EXOC4: variants seen among roughly 807,000 people sequenced by gnomAD.
EXOC4 encodes exocyst complex component 4.
EXOC4 carries 71 observed loss-of-function variants against 107.2 expected under a neutral mutation model. The observed-to-expected ratio is 0.66, with a 90% CI of 0.55 to 0.81. The LOEUF is 0.81. EXOC4 is among the 30% of genes least tolerant of loss of function. EXOC4 has a pLI of 0.00. For synonymous variants in EXOC4, 456 were observed against 441.2 expected (o/e 1.03, Z -0.42); for missense variants, 1,108 against 1,189.6 (o/e 0.93, Z 1.01).
intron 17 of EXOC4, among the ~76,000 whole-genome samples, chr7:134,012,371 T>C (rs1027951835): frequency 9.2e-5 from 14 of 152,088 alleles, no homozygotes; most frequent in Non-Finnish European, 1.3e-4. Context: ...GGATGAGATA[T>C]GGTCAGATGA....
intron 9 of EXOC4, among the ~76,000 whole-genome samples, chr7:133,556,843 G>C (rs557344346): frequency 9.0e-4 from 137 of 152,266 alleles, no homozygotes; most frequent in African/African-American, 3.0e-3. Flanking sequence ...TTAGATGTAG[G>C]TATGAAAAGA....
At chr7:133,381,078 G>A (rs999256504) in intron 7 of EXOC4, among the ~76,000 whole-genome samples, 18 of 152,052 alleles carry the variant, frequency 1.2e-4, no homozygotes, top group Non-Finnish European at 8.8e-5. Context: ...TCTTAACTAT[G>A]TATTCTACTC....
chr7:133,650,320 A>G (rs887856891), intron 10 of EXOC4, among the ~76,000 whole-genome samples: 11 of 151,934 alleles, frequency 7.2e-5, no homozygotes, highest in African/African-American at 2.4e-4. Flanking sequence ...AGGAAAAAGG[A>G]AAAAAGGCTT....
intron 17 of EXOC4, among the ~76,000 whole-genome samples, chr7:134,045,908 A>G (rs1182429177): frequency 2.0e-5 from 3 of 152,224 alleles, no homozygotes; most frequent in Non-Finnish European, 2.9e-5. Context: ...TTCAATTAGC[A>G]TAATATTTTC....
intron 10 of EXOC4, among the ~76,000 whole-genome samples, chr7:133,720,747 G>T (rs1795090335): frequency 6.6e-6 from 1 of 152,132 alleles, no homozygotes; most frequent in Non-Finnish European, 1.5e-5. Context: ...TTCCATGGTA[G>T]ATAAAGAGAA....
intron 7 of EXOC4, among the ~76,000 whole-genome samples, chr7:133,378,522 A>C (rs1337378806): frequency 9.9e-5 from 15 of 152,076 alleles, no homozygotes; most frequent in Non-Finnish European, 1.5e-5. Flanking sequence ...TGGGTTTTAT[A>C]ATATATTTTG....
At chr7:133,916,130 C>T (rs1799802096) in intron 12 of EXOC4, among the ~76,000 whole-genome samples, 1 of 152,206 alleles carries the variant, frequency 6.6e-6, no homozygotes, top group South Asian at 2.1e-4. Context: ...ACTGTTCCAC[C>T]TCAGATCATA....
At chr7:133,794,754 G>T (rs1796777101) in intron 10 of EXOC4, among the ~76,000 whole-genome samples, 1 of 151,830 alleles carries the variant, frequency 6.6e-6, no homozygotes, top group African/African-American at 2.4e-5. Context: ...GCCCTATTGA[G>T]TGAGCATCTC....
chr7:133,379,301 G>A (rs994372091), intron 7 of EXOC4, among the ~76,000 whole-genome samples: 4 of 151,944 alleles, frequency 2.6e-5, no homozygotes, highest in African/African-American at 9.7e-5. Flanking sequence ...TCATTTAGTT[G>A]TCTTTAAACT....
intron 11 of EXOC4, among the ~76,000 whole-genome samples, chr7:133,818,226 A>T (rs770043026): frequency 6.6e-6 from 1 of 152,220 alleles, no homozygotes; most frequent in Non-Finnish European, 1.5e-5. Context: ...AGTTTAAATT[A>T]TAGGTATACA....
At chr7:133,884,334 C>G (rs181920993) in intron 11 of EXOC4, among the ~76,000 whole-genome samples, 1 of 152,304 alleles carries the variant, frequency 6.6e-6, no homozygotes, top group African/African-American at 2.4e-5. Flanking sequence ...TTACCACCCT[C>G]GCACCAACGA....
intron 10 of EXOC4, among the ~76,000 whole-genome samples, chr7:133,801,916 A>T (rs1408561251): frequency 6.6e-6 from 1 of 152,324 alleles, no homozygotes; most frequent in Admixed American, 6.5e-5. Flanking sequence ...ACAAGGTTGG[A>T]CTTTGCTAGT....
intron 1 of EXOC4, among the ~76,000 whole-genome samples, chr7:133,270,740 A>G (rs1793848698): frequency 6.6e-6 from 1 of 152,154 alleles, no homozygotes. Flanking sequence ...AGAGGCTTAG[A>G]AGGCTGAAGA....
chr7:133,590,906 C>T (rs965548616), intron 9 of EXOC4, among the ~76,000 whole-genome samples: 2 of 152,176 alleles, frequency 1.3e-5, no homozygotes, highest in African/African-American at 4.8e-5. Context: ...TAAGAGGGCA[C>T]AGTATAACAT....
intron 7 of EXOC4, among the ~76,000 whole-genome samples, chr7:133,379,413 G>T (rs1796564076): frequency 1.3e-5 from 2 of 151,796 alleles, no homozygotes; most frequent in African/African-American, 4.8e-5. Flanking sequence ...GGGTTTAAAA[G>T]ATACACTTTA....
chr7:133,817,564 T>G lies in EXOC4; in HGVS notation c.1734+20T>G. On this transcript the variant is annotated intron_variant, in intron 11 of 17. Coordinates refer to ENST00000253861, the MANE Select transcript of EXOC4 (RefSeq NM_021807.4). Reference sequence around the variant, plus strand: ...CTACAGGTAATAATACACTTTGAACTTACTATTTTTATCAGCAATTTTCAT... The same window carrying G: ...CTACAGGTAATAATACACTTTGAACGTACTATTTTTATCAGCAATTTTCAT... 1 of 1,545,510 alleles carries G rather than the reference T, an allele frequency of 6.5e-7. No individual in the cohort carries two copies. The highest frequency in any genetic ancestry group is 8.9e-7 in the Non-Finnish European group (1 of 1,122,178).
At chr7:133,449,375 C>T (rs550162969) in intron 7 of EXOC4, among the ~76,000 whole-genome samples, 1 of 152,274 alleles carries the variant, frequency 6.6e-6, no homozygotes, top group African/African-American at 2.4e-5. Flanking sequence ...TGTTTTAAGC[C>T]ACCCAGTATG....
At chr7:133,962,618 T>A (rs1457674790) in intron 14 of EXOC4, among the ~76,000 whole-genome samples, 1 of 152,200 alleles carries the variant, frequency 6.6e-6, no homozygotes, top group Non-Finnish European at 1.5e-5. Flanking sequence ...TTATATACTA[T>A]CTAAATCTTA....
chr7:133,980,799 T>C (rs1793962583), intron 14 of EXOC4, among the ~76,000 whole-genome samples: 2 of 138,612 alleles, frequency 1.4e-5, no homozygotes, highest in African/African-American at 2.6e-5. Flanking sequence ...CTATATGAAC[T>C]GTTAATTATT....
Sources: gnomAD v4.1 joint callset for allele counts (sites outside exome capture counted in the v4.1 genomes callset) on GRCh38, gnomAD v4.1.1 for gene constraint, MANE v1.5 for transcripts, NCBI Gene and HGNC (gene_info 2026-07-23, HGNC 2026-07-21) for gene names.